Variants in RP1L1 observed in about 807,000 individuals in gnomAD.
RP1L1 encodes the protein RP1 like 1.
Under a neutral mutation model 15.7 loss-of-function variants are expected in RP1L1, and 27 were observed. That is an observed-to-expected ratio of 1.72 (90% CI 1.27 to 2.38). The LOEUF is 2.38. Among genes scored for constraint, RP1L1 ranks in the 30% most tolerant of loss-of-function variants. The pLI, the probability that RP1L1 is intolerant of heterozygous loss-of-function variation, is 0.00. For missense variants in RP1L1, 4,798 were observed against 3,075.9 expected (o/e 1.56, Z -13.24); for synonymous variants, 1,813 against 1,276.7 (o/e 1.42, Z -8.96).
chr8:10,652,628 C>T (rs1311438961), intron 1 of RP1L1, among the ~76,000 whole-genome samples: 1 of 151,996 alleles, frequency 6.6e-6, no homozygotes, highest in Non-Finnish European at 1.5e-5. Flanking sequence ...AAATTCAATG[C>T]TTTTGGCTAC....
intron 3 of RP1L1, among the ~76,000 whole-genome samples, 164 bp from the exon 4 acceptor site, chr8:10,613,510 T>A (rs1797915438): frequency 7.4e-6 from 1 of 135,160 alleles, no homozygotes; most frequent in Non-Finnish European, 1.5e-5. Flanking sequence ...AGGCCTGTAA[T>A]CCAAGCACTT....
intron 1 of RP1L1, among the ~76,000 whole-genome samples, chr8:10,651,946 A>T (rs929938271): frequency 3.3e-5 from 5 of 152,160 alleles, no homozygotes; most frequent in Admixed American, 2.0e-4. Flanking sequence ...AAAATCTTTT[A>T]TACTGTATCT....
chr8:10,643,047 T>C (rs954041551), intron 1 of RP1L1, among the ~76,000 whole-genome samples: 1 of 152,054 alleles, frequency 6.6e-6, no homozygotes, highest in African/African-American at 2.4e-5. Context: ...GGTTAAAAAA[T>C]TTTTTCAGGC....
At position 10,610,508 on chromosome 8, in the gene RP1L1, G is replaced by A. The variant is rs745536700; in HGVS notation, c.3590C>T (p.Ser1197Phe). 5.0e-6 allele frequency: 8 copies of A among 1,613,846 alleles called. No homozygotes were observed. The South Asian group carries it at 5.5e-5, about 11-fold the overall frequency. ...HAMTENFTPTSSSGVDISSGS... is the reference protein window; with the variant it reads ...HAMTENFTPTFSSGVDISSGS... ...GCTGCTGATGTCCACACCAGAGGAGGATGTGGGCGTGAAGTTCTCCGTCAT... is the reference window on the plus strand; with the variant it reads ...GCTGCTGATGTCCACACCAGAGGAGAATGTGGGCGTGAAGTTCTCCGTCAT... The change falls in exon 4 of 4, where the codon TCC becomes TTC. Residue 1197 changes from serine to phenylalanine, a missense_variant. Coordinates refer to ENST00000382483, the MANE Select transcript of RP1L1 (RefSeq NM_178857.6).
At chr8:10,643,865 T>C (rs1330930067) in intron 1 of RP1L1, among the ~76,000 whole-genome samples, 2 of 151,814 alleles carry the variant, frequency 1.3e-5, no homozygotes, top group Non-Finnish European at 1.5e-5. Context: ...ATTCAGGGAA[T>C]GGAAGCAACC....
chr8:10,611,484 T>C lies in RP1L1; in HGVS notation c.2614A>G (p.Ser872Gly). 1 of 1,571,540 alleles carries C rather than the reference T, an allele frequency of 6.4e-7. No homozygotes were observed. Among genetic ancestry groups the C allele is most frequent in the Non-Finnish European group, 8.6e-7 (1 of 1,160,652 alleles). Residue 872 changes from serine to glycine, a missense_variant, in exon 4 of 4, where the codon AGC becomes GGC. Transcript: ENST00000382483. The part of the protein sequence containing the change: ...CPQRRSSSCG[S>G]TGSSHQSTAR... The stretch of plus-strand genomic sequence containing the variant: ...GTGCTTTGGTGGCTGCTGCCGGTGC[T>C]CCCACAGCTGGAAGAGCGCCTCTGG...
intron 1 of RP1L1, among the ~76,000 whole-genome samples, chr8:10,652,399 G>T (rs1052073198): frequency 2.0e-5 from 3 of 152,162 alleles, no homozygotes; most frequent in Non-Finnish European, 4.4e-5. Flanking sequence ...CATCATGAGT[G>T]GTGGAGAGAA....
rs143762729 is a variant in RP1L1 at position 10,606,895 on chromosome 8, C to T, written c.7203G>A (p.Ter2401=). ...TGATTGTTTTCTAGCTTGATCTTGT[C>T]TAGAAATCTAAGTCATCTTGGCCAA... is the stretch of plus-strand genomic sequence containing the variant. ...DGFGQDDLDF[*] is the part of the protein sequence containing the mutation. The change falls in exon 4 of 4, where the codon TAG becomes TAA. Residue 2401 remains the stop codon, a stop_retained_variant. Transcript: ENST00000382483. The T allele has an allele frequency of 6.2e-7, 1 of 1,614,052 alleles. No homozygotes were observed. Among genetic ancestry groups the T allele is most frequent in the Non-Finnish European group, 8.5e-7 (1 of 1,180,052 alleles).
chr8:10,651,308 G>T (rs1798556662), intron 1 of RP1L1, among the ~76,000 whole-genome samples: 1 of 152,356 alleles, frequency 6.6e-6, no homozygotes, highest in South Asian at 2.1e-4. Flanking sequence ...CACATTTGAG[G>T]AGTGCTGCAG....
intron 1 of RP1L1, among the ~76,000 whole-genome samples, chr8:10,649,098 C>A (rs868737469): frequency 3.3e-5 from 5 of 152,228 alleles, no homozygotes; most frequent in Non-Finnish European, 7.3e-5. Context: ...AGGGGTTTTC[C>A]CTTCCTTAGA....
At chr8:10,628,837 G>C (rs28578125) in intron 1 of RP1L1, among the ~76,000 whole-genome samples, 3,417 of 152,252 alleles carry the variant, frequency 0.022, 99 homozygotes, top group African/African-American at 0.069. Flanking sequence ...ACAAGCACTA[G>C]AGTATCTTCC....
chr8:10,653,100 T>G (rs1798586520), intron 1 of RP1L1, among the ~76,000 whole-genome samples: 1 of 152,184 alleles, frequency 6.6e-6, no homozygotes, highest in Non-Finnish European at 1.5e-5. Context: ...TCAAGAGATA[T>G]TGTTGACAGA....
rs201076092 is a variant in RP1L1 at position 10,607,595 on chromosome 8, T to C, written c.6503A>G (p.Glu2168Gly). Reference protein sequence around the residue: ...QPESEGIEAQEAEEEAQPELE... With the variant: ...QPESEGIEAQGAEEEAQPELE... Reference sequence around the variant, plus strand: ...CTCTGGTTGGGCCTCCTCTTCAGCCTCCTGGGCCTCTATACCTTCTGACTC... The same window carrying C: ...CTCTGGTTGGGCCTCCTCTTCAGCCCCCTGGGCCTCTATACCTTCTGACTC... The change falls in exon 4 of 4, where the codon GAG becomes GGG. Residue 2168 changes from glutamate (E) to glycine (G), a missense_variant. Coordinates refer to ENST00000382483, the MANE Select transcript of RP1L1 (RefSeq NM_178857.6). 1 of 1,567,282 alleles carries C rather than the reference T, an allele frequency of 6.4e-7. No homozygotes were observed. Among genetic ancestry groups the C allele is most frequent in the Non-Finnish European group, 8.7e-7 (1 of 1,146,652 alleles).
At chr8:10,651,957 G>C (rs1047645840) in intron 1 of RP1L1, among the ~76,000 whole-genome samples, 5 of 152,054 alleles carry the variant, frequency 3.3e-5, no homozygotes, top group Admixed American at 1.3e-4. Flanking sequence ...TACTGTATCT[G>C]TACTGTTTCT....
At chr8:10,629,369 T>C (rs918918757) in intron 1 of RP1L1, among the ~76,000 whole-genome samples, 27 of 151,908 alleles carry the variant, frequency 1.8e-4, no homozygotes, top group African/African-American at 6.0e-4. Flanking sequence ...TAGTCACAGA[T>C]AGATGGAGCA....
At position 10,630,876 on chromosome 8, in the gene RP1L1, G is replaced by T. The variant is rs1434105383; in HGVS notation, c.-19-7656C>A. On this transcript the variant is annotated intron_variant, in intron 1 of 3. Transcript: ENST00000382483. Reference sequence around the variant, plus strand: ...AAGTCTACAACAGAGATTCATAAGAGACTGGTCATCGCAGCGGGAGAAATT... The same window carrying T: ...AAGTCTACAACAGAGATTCATAAGATACTGGTCATCGCAGCGGGAGAAATT... Among the ~76,000 whole-genome samples the T allele has an allele frequency of 2.6e-5, 4 of 152,248 alleles. No individual in the cohort carries two copies. In the East Asian group the frequency reaches 7.7e-4, roughly 29 times the overall value.
At position 10,609,049 on chromosome 8, in the gene RP1L1, G is replaced by T. The variant is rs750509406; in HGVS notation, c.5049C>A (p.Ile1683=). ...TCTGCTGCAGGTCAAAGGCCTCTTT[G>T]ATGGGACCTCTGGTTGCCCCCATTG... is the stretch of plus-strand genomic sequence containing the variant. The part of the protein sequence containing the change: ...KATMGATRGP[I]KEAFDLQQIL... The change falls in exon 4 of 4, where the codon ATC becomes ATA. Residue 1683 remains isoleucine, a synonymous_variant. Transcript: ENST00000382483. 2 of 1,613,706 alleles carry T rather than the reference G, an allele frequency of 1.2e-6. No individual in the cohort carries two copies. Among genetic ancestry groups the T allele is most frequent in the Admixed American group, 1.7e-5 (1 of 60,002 alleles).
At position 10,623,274 on chromosome 8, in the gene RP1L1, T is replaced by G. The variant is rs1475677080; in HGVS notation, c.-19-54A>C. On this transcript the variant is annotated intron_variant, in intron 1 of 3. Coordinates refer to ENST00000382483, the MANE Select transcript of RP1L1 (RefSeq NM_178857.6). ...GAGAGCAGCTTGGGGGATTGGCATTTCCTGTCTCTTCCCGTCTTTCTAGAG... is the reference window on the plus strand; with the variant it reads ...GAGAGCAGCTTGGGGGATTGGCATTGCCTGTCTCTTCCCGTCTTTCTAGAG... The G allele has an allele frequency of 6.7e-6, 9 of 1,340,578 alleles. No individual in the cohort carries two copies. In the Admixed American group the frequency reaches 9.4e-5, roughly 14 times the overall value. The allele number at this position is 1,340,578 out of a possible 1,614,324, so 83.0% of individuals were successfully genotyped here.
At chr8:10,650,432 G>A (rs1231689281) in intron 1 of RP1L1, among the ~76,000 whole-genome samples, 11 of 152,240 alleles carry the variant, frequency 7.2e-5, no homozygotes, top group Non-Finnish European at 7.3e-5. Flanking sequence ...GCAAACTTGC[G>A]TTATCCACAT....
Sources: gnomAD v4.1 joint callset for allele counts (sites outside exome capture counted in the v4.1 genomes callset) on GRCh38, gnomAD v4.1.1 for gene constraint, MANE v1.5 for transcripts, NCBI Gene and HGNC (gene_info 2026-07-23, HGNC 2026-07-21) for gene names.